The following PHIP variants were observed in gnomAD, a reference collection of about 807,000 sequenced individuals.
The protein encoded by PHIP is PH-interacting protein.
PHIP carries 54 observed loss-of-function variants against 236.8 expected under a neutral mutation model. That is an observed-to-expected ratio of 0.23 (90% CI 0.18 to 0.29). The LOEUF (loss-of-function observed/expected upper bound fraction) is 0.29. Ranked by LOEUF, PHIP falls within the 10% of genes least tolerant of loss-of-function variation. The pLI is 1.00. For missense variants in PHIP, 1,370 were observed against 2,190.8 expected, an observed-to-expected ratio of 0.63 and a Z score of 7.48; for synonymous variants, 756 against 718.9, an observed-to-expected ratio of 1.05 and a Z score of -0.83.
intron 15 of PHIP, among the ~76,000 whole-genome samples, chr6:79,007,293 C>T (rs973295000): frequency 3.3e-5 from 5 of 151,904 alleles, no homozygotes; most frequent in African/African-American, 9.7e-5. Flanking sequence ...GGAATGAGGT[C>T]GAAGACCCAA....
chr6:78,955,311 A>G (rs537445441), intron 33 of PHIP, 29 bp from the exon 34 acceptor site: 4 of 1,529,734 alleles, frequency 2.6e-6, no homozygotes, highest in East Asian at 2.3e-5. Flanking sequence ...CCAGATTCAT[A>G]AAACATTTTA....
rs1773196829 is a variant in PHIP at position 78,934,677 on chromosome 6, A to AT, written c.*6015dup. Among the ~76,000 whole-genome samples the AT allele has an allele frequency of 2.0e-5, 3 of 152,204 alleles. No homozygotes were observed. Among genetic ancestry groups the AT allele is most frequent in the Admixed American group, 6.5e-5 (1 of 15,280 alleles). On this transcript the variant is annotated 3_prime_UTR_variant, in exon 40 of 40. Coordinates refer to ENST00000275034, the MANE Select transcript of PHIP (RefSeq NM_017934.7). ...CATGAATACAGAGGACAGTATACAA[A>AT]TGAGATTATCACCACTGGCTATTTG... is the stretch of plus-strand genomic sequence containing the variant.
At chr6:78,963,334 C>T in intron 29 of PHIP, 82 bp from the exon 30 acceptor site, 2 of 1,091,838 alleles carry the variant, frequency 1.8e-6, no homozygotes, top group Non-Finnish European at 2.6e-6. Flanking sequence ...AAATAACAGT[C>T]ACAAAATTAA....
In PHIP at chr6:78,955,342, T is replaced by C. The variant is rs1031257843; in HGVS notation, c.3853-60A>G. 1.5e-5 allele frequency: 18 copies of C among 1,177,606 alleles called. No homozygotes were observed. The African/African-American group carries it at 1.7e-4, about 11-fold the overall frequency. The allele number at this position is 1,177,606 out of a possible 1,614,324, so 72.9% of individuals were successfully genotyped here. A position where few individuals can be genotyped will look rare whatever the true frequency, so the allele number is the denominator to read the frequency against. On this transcript the variant is annotated intron_variant, in intron 33 of 39. Transcript: ENST00000275034. ...TTTTAGATGTCATTATACTTTATAG[T>C]TGATTAACTAGCAATTATTTCCTTT...
chr6:79,051,468 C>T (rs927244407), intron 6 of PHIP, among the ~76,000 whole-genome samples: 2 of 152,138 alleles, frequency 1.3e-5, no homozygotes, highest in South Asian at 2.1e-4. Context: ...CTTCTCTCTT[C>T]GCTTTAATAC....
chr6:79,045,113 A>G (rs1772412551), intron 6 of PHIP, among the ~76,000 whole-genome samples: 1 of 152,200 alleles, frequency 6.6e-6, no homozygotes, highest in Non-Finnish European at 1.5e-5. Flanking sequence ...GGCTATCTAT[A>G]CTATGACTAT....
chr6:79,042,905 G>T lies in PHIP; in HGVS notation c.538C>A (p.Leu180Ile). Reference sequence around the variant, plus strand: ...CAGTACACAGATGACAAGTGTCCAAGAATTCGTTTATGCATTTTCATGTGC... The same window carrying T: ...CAGTACACAGATGACAAGTGTCCAATAATTCGTTTATGCATTTTCATGTGC... ...YQHMKMHKRILGHLSSVYCVT... is the reference protein window; with the variant it reads ...YQHMKMHKRIIGHLSSVYCVT... Residue 180 changes from leucine to isoleucine, a missense_variant, in exon 7 of 40, where the codon CTT (leucine) becomes ATT (isoleucine). Coordinates refer to ENST00000275034, the MANE Select transcript of PHIP (RefSeq NM_017934.7). The T allele has an allele frequency of 6.2e-7, 1 of 1,612,712 alleles. No homozygotes were observed.
intron 35 of PHIP, among the ~76,000 whole-genome samples, chr6:78,948,507 T>C (rs1773956336): frequency 6.6e-6 from 1 of 152,066 alleles, no homozygotes; most frequent in Non-Finnish European, 1.5e-5. Context: ...GTACCCCCCC[T>C]TTTTGGGAGA....
intron 19 of PHIP, among the ~76,000 whole-genome samples, chr6:78,996,326 G>A (rs1252019372): frequency 6.6e-6 from 1 of 152,144 alleles, no homozygotes; most frequent in Admixed American, 6.5e-5. Flanking sequence ...TTTTGTTACT[G>A]ATATGGTTTT....
intron 35 of PHIP, among the ~76,000 whole-genome samples, chr6:78,951,850 G>T (rs1373895603): frequency 2.6e-5 from 4 of 152,096 alleles, no homozygotes; most frequent in Admixed American, 2.6e-4. Context: ...AAGGGATACG[G>T]GTTCCCATTG....
chr6:79,064,411 T>G (rs923101759), intron 4 of PHIP, among the ~76,000 whole-genome samples: 1 of 152,198 alleles, frequency 6.6e-6, no homozygotes, highest in African/African-American at 2.4e-5. Context: ...TTTAAAAGAA[T>G]GGTCCATAGT....
chr6:79,019,306 T>C (rs1770991047), intron 9 of PHIP, 147 bp from the exon 10 acceptor site: 1 of 607,946 alleles, frequency 1.6e-6, no homozygotes, highest in East Asian at 2.7e-5. Context: ...AATCATTATG[T>C]GTCATAAATC....
rs536256008 is a variant in PHIP at position 79,016,611 on chromosome 6, G to A, written c.1168C>T (p.Arg390Cys). The change falls in exon 13 of 40, where the codon CGT (arginine) becomes TGT (cysteine). Residue 390 changes from arginine (R) to cysteine (C), a missense_variant. Arg to Cys is a radical substitution (Grantham distance 180). Coordinates refer to ENST00000275034, the MANE Select transcript of PHIP (RefSeq NM_017934.7). ...FVSGSRDGTA[R>C]IWQFKRREWK... Reference sequence around the variant, plus strand: ...TCTCTTCGTTTAAATTGCCAAATACGTGCTGTCCCATCACGACTGCCACTT... The same window carrying A: ...TCTCTTCGTTTAAATTGCCAAATACATGCTGTCCCATCACGACTGCCACTT... The A allele has an allele frequency of 1.9e-6, 3 of 1,610,698 alleles. No homozygotes were observed. The highest frequency in any genetic ancestry group is 2.2e-5 in the East Asian group (1 of 44,788).
chr6:79,013,599 G>C (rs1396491823), intron 15 of PHIP, among the ~76,000 whole-genome samples: 1 of 151,608 alleles, frequency 6.6e-6, no homozygotes, highest in Non-Finnish European at 1.5e-5. Flanking sequence ...TGGTCTAAGA[G>C]CAAATCACTT....
chr6:79,054,704 G>A (rs1005803933), intron 6 of PHIP, among the ~76,000 whole-genome samples: 1 of 150,550 alleles, frequency 6.6e-6, no homozygotes. Context: ...AATATATGAG[G>A]AAAAATATAA....
chr6:79,044,898 G>T (rs1447263061), intron 6 of PHIP, among the ~76,000 whole-genome samples: 1 of 151,922 alleles, frequency 6.6e-6, no homozygotes, highest in African/African-American at 2.4e-5. Flanking sequence ...TTAAACACAG[G>T]TTTTACTGAA....
Position 78,945,512 on chromosome 6 carries a change from CAAAATTTA to C in PHIP, c.4631-23_4631-16del, listed in dbSNP as rs762655108. On this transcript the variant is annotated splice_polypyrimidine_tract_variant and intron_variant, in intron 38 of 39. Transcript: ENST00000275034. Reference sequence around the variant, plus strand: ...ATTCTCTAGTACTAAAACATACAAACAAAATTTAAAAATTAAGAGTTATTGAACCTAAA... The same window carrying C: ...ATTCTCTAGTACTAAAACATACAAACAAAATTAAGAGTTATTGAACCTAAA... 7.3e-6 allele frequency: 11 copies of C among 1,504,044 alleles called. No individual in the cohort carries two copies. In the African/African-American group the frequency reaches 1.4e-4, roughly 19 times the overall value. 93.2% of individuals were successfully genotyped at this position (1,504,044 alleles called of 1,614,324 possible).
intron 15 of PHIP, among the ~76,000 whole-genome samples, chr6:79,009,558 T>C (rs1770466520): frequency 6.6e-6 from 1 of 152,078 alleles, no homozygotes; most frequent in Non-Finnish European, 1.5e-5. Context: ...TCTCCCCAAC[T>C]TAACTGTAGG....
chr6:78,957,320 A>G (rs1766484954), intron 32 of PHIP: 1 of 152,016 alleles, frequency 6.6e-6, no homozygotes, highest in African/African-American at 2.4e-5. Context: ...AATTACAGAC[A>G]TAAGAGTCTT....
Sources: gnomAD v4.1 joint callset for allele counts (sites outside exome capture counted in the v4.1 genomes callset) on GRCh38, gnomAD v4.1.1 for gene constraint, MANE v1.5 for transcripts, NCBI Gene and HGNC (gene_info 2026-07-23, HGNC 2026-07-21) for gene names.